CERK: variants seen among roughly 807,000 people sequenced by gnomAD.
The protein encoded by CERK is ceramide kinase, also known as acylsphingosine kinase.
A neutral mutation model predicts 63.4 loss-of-function variants in CERK; 39 were observed. The observed-to-expected ratio is 0.61, with a 90% CI of 0.48 to 0.80. The LOEUF is 0.80. CERK is among the 30% of genes least tolerant of loss of function. The pLI is 0.00. For missense variants in CERK, 670 were observed against 714.1 expected (o/e 0.94, Z 0.70); for synonymous variants, 302 against 280.0 (o/e 1.08, Z -0.78).
chr22:46,717,263 G>A (rs2082871109), intron 3 of CERK, among the ~76,000 whole-genome samples: 1 of 152,154 alleles, frequency 6.6e-6, no homozygotes, highest in South Asian at 2.1e-4. Flanking sequence ...CTACAACCCA[G>A]CGACTCCATT....
At chr22:46,725,273 C>T (rs1053443080) in intron 1 of CERK, among the ~76,000 whole-genome samples, 2 of 149,196 alleles carry the variant, frequency 1.3e-5, no homozygotes, top group East Asian at 1.9e-4. Flanking sequence ...TCTGAGCAAA[C>T]GGAGAGCAGC....
chr22:46,685,939 T>G lies in CERK; in HGVS notation c.*1195A>C, dbSNP rs2082698282. ...AGATCAAAGTTTAAGCCGCATATTCTCATATTTCAAACAAAACTACGTTAC... is the reference window on the plus strand; with the variant it reads ...AGATCAAAGTTTAAGCCGCATATTCGCATATTTCAAACAAAACTACGTTAC... On this transcript the variant is annotated 3_prime_UTR_variant, in exon 13 of 13. Transcript: ENST00000216264. 1 of 152,190 alleles carries G rather than the reference T, an allele frequency of 6.6e-6. No homozygotes were observed. Among genetic ancestry groups the G allele is most frequent in the Non-Finnish European group, 1.5e-5 (1 of 68,040 alleles). 9.4% of individuals were successfully genotyped at this position (152,190 alleles called of 1,614,324 possible). A position where few individuals can be genotyped will look rare whatever the true frequency, so the allele number is the denominator to read the frequency against.
chr22:46,730,959 C>T, intron 1 of CERK, among the ~76,000 whole-genome samples: 1 of 152,224 alleles, frequency 6.6e-6, no homozygotes, highest in East Asian at 1.9e-4. Context: ...CAATAACAAC[C>T]TACCCCAGAA....
chr22:46,738,046 A>C lies in CERK; in HGVS notation c.103T>G (p.Trp35Gly). 1 of 1,215,314 alleles carries C rather than the reference A, an allele frequency of 8.2e-7. No homozygotes were observed. Among genetic ancestry groups the C allele is most frequent in the Non-Finnish European group, 1.0e-6 (1 of 977,332 alleles). 75.3% of individuals were successfully genotyped at this position (1,215,314 alleles called of 1,614,324 possible). The change falls in exon 1 of 13, where the codon TGG (tryptophan) becomes GGG (glycine). Residue 35 changes from tryptophan to glycine, a missense_variant. Physicochemically the swap from Trp to Gly is radical, Grantham distance 184. Coordinates refer to ENST00000216264, the MANE Select transcript of CERK (RefSeq NM_022766.6). The part of the protein sequence containing the change: ...LEPARALLRW[W>G]RSPGPGAGAP... ...CCGGCTCCGGGCCCCGGGCTCCGCC[A>C]CCAGCGCAGCAGAGCCCGCGCGGGC...
Position 46,691,590 on chromosome 22 carries a change from G to A in CERK, c.1314C>T (p.His438=). 1 of 1,613,872 alleles carries A rather than the reference G, an allele frequency of 6.2e-7. No homozygotes were observed. The highest frequency in any genetic ancestry group is 2.2e-5 in the East Asian group (1 of 44,886). Residue 438 remains histidine, a synonymous_variant, in exon 11 of 13, where the codon CAC becomes CAT. Coordinates refer to ENST00000216264, the MANE Select transcript of CERK (RefSeq NM_022766.6). ...RFNFLRFLIR[H]TNQQDQFDFT... Reference sequence around the variant, plus strand: ...CACTTACCTGGTCCTGCTGGTTGGTGTGCCTGATGAGAAATCTCAGAAAAT... The same window carrying A: ...CACTTACCTGGTCCTGCTGGTTGGTATGCCTGATGAGAAATCTCAGAAAAT...
intron 9 of CERK, 51 bp downstream of exon 9, chr22:46,695,159 T>C (rs749983775): frequency 1.0e-6 from 1 of 974,878 alleles, no homozygotes; most frequent in African/African-American, 1.6e-5. Flanking sequence ...CTAACCGTCC[T>C]GCTTCATTTC....
chr22:46,706,273 C>T (rs2082812437), intron 6 of CERK, among the ~76,000 whole-genome samples: 2 of 152,216 alleles, frequency 1.3e-5, no homozygotes, highest in Admixed American at 6.5e-5. Context: ...GCCCAGGGGC[C>T]CTCCCGAGCC....
chr22:46,734,754 A>G (rs1548977), intron 1 of CERK, among the ~76,000 whole-genome samples: 71,891 of 152,162 alleles, frequency 0.47, 19,361 homozygotes, highest in Non-Finnish European at 0.6. Flanking sequence ...ATGCATATTT[A>G]CATATACACA....
intron 5 of CERK, 37 bp from the exon 6 acceptor site, chr22:46,708,025 G>T (rs1427957404): frequency 1.3e-6 from 2 of 1,570,816 alleles, no homozygotes; most frequent in African/African-American, 1.3e-5. Context: ...GCTCCTGCAG[G>T]TGCGGCCCTC....
In CERK at chr22:46,707,242, G is replaced by A. The variant is rs929324059; in HGVS notation, c.715+601C>T. ...CACCTCGTCCCCTGCCAGGTCATTT[G>A]CAAAGCCTGCAACACACCACGCTCA... On this transcript the variant is annotated intron_variant, in intron 6 of 12. Coordinates refer to ENST00000216264, the MANE Select transcript of CERK (RefSeq NM_022766.6). Among the ~76,000 whole-genome samples, 3 of 152,100 alleles carry A rather than the reference G, an allele frequency of 2.0e-5. No individual in the cohort carries two copies. The South Asian group carries it at 6.2e-4, about 32-fold the overall frequency.
rs11912373 is a variant in CERK, at chr22:46,705,640, C to T, written c.715+2203G>A. 1.7e-3 allele frequency among the ~76,000 whole-genome samples: 263 copies of T among 152,248 alleles called. 3 individuals are homozygous for T. The highest frequency in any genetic ancestry group is 5.9e-3 in the African/African-American group (246 of 41,530). On this transcript the variant is annotated intron_variant, in intron 6 of 12. Transcript: ENST00000216264. ...GAGCCAAGATCGCACCACTGCACTC[C>T]AGCCTGGACGACAAAGTGAGACTCT... is the stretch of plus-strand genomic sequence containing the variant.
chr22:46,704,000 A>G (rs935719433), intron 6 of CERK, among the ~76,000 whole-genome samples: 1 of 152,238 alleles, frequency 6.6e-6, no homozygotes, highest in Non-Finnish European at 1.5e-5. Context: ...ACCCATGGAA[A>G]GGGGCCACAA....
At chr22:46,711,291 C>A in intron 4 of CERK, 142 bp from the exon 5 acceptor site, 1 of 666,376 alleles carries the variant, frequency 1.5e-6, no homozygotes, top group South Asian at 1.8e-5. Context: ...TTCAATTCTA[C>A]ATCGCTCTTA....
rs775583228 is a variant in CERK, at chr22:46,691,638, G to A, written c.1266C>T (p.Leu422=). 1.9e-5 allele frequency: 31 copies of A among 1,613,928 alleles called. No individual in the cohort carries two copies. Among genetic ancestry groups the A allele is most frequent in the Admixed American group, 5.0e-5 (3 of 59,990 alleles). Residue 422 remains leucine (L), a synonymous_variant, in exon 11 of 13, where the codon CTC becomes CTT. Transcript: ENST00000216264. ...HLGDGSSDLI[L]IRKCSRFNFL... ...AATTGAACCTGGAGCATTTCCGGATGAGGATGAGGTCAGAAGACCCGTCTC... is the reference window on the plus strand; with the variant it reads ...AATTGAACCTGGAGCATTTCCGGATAAGGATGAGGTCAGAAGACCCGTCTC...
intron 1 of CERK, among the ~76,000 whole-genome samples, chr22:46,732,021 G>T (rs1165855148): frequency 1.3e-5 from 2 of 152,244 alleles, no homozygotes; most frequent in Non-Finnish European, 2.9e-5. Flanking sequence ...ACCGGGGCCA[G>T]CTGGAGGCAG....
chr22:46,719,844 C>T (rs1456435451), intron 3 of CERK, among the ~76,000 whole-genome samples: 1 of 152,224 alleles, frequency 6.6e-6, no homozygotes, highest in African/African-American at 2.4e-5. Flanking sequence ...TGACCCGCCC[C>T]CAGGCCTCCT....
chr22:46,694,802 C>T (rs370785467), intron 9 of CERK, among the ~76,000 whole-genome samples: 13 of 152,216 alleles, frequency 8.5e-5, no homozygotes, highest in African/African-American at 2.2e-4. Context: ...GCTCTACCAA[C>T]GGTCCTGCCA....
At chr22:46,712,132 A>C (rs781093585) in intron 4 of CERK, 36 bp downstream of exon 4, 1 of 1,611,796 alleles carries the variant, frequency 6.2e-7, no homozygotes, top group Non-Finnish European at 8.5e-7. Context: ...ATCATTCTCA[A>C]ACTTACTTCT....
chr22:46,724,750 T>C (rs935085156), intron 1 of CERK, among the ~76,000 whole-genome samples: 5 of 151,912 alleles, frequency 3.3e-5, no homozygotes, highest in Non-Finnish European at 7.4e-5. Flanking sequence ...CAGGGCGGGG[T>C]GGCTCACACC....
Sources: allele counts gnomAD v4.1 joint callset (sites outside exome capture counted in the v4.1 genomes callset), GRCh38; gene constraint gnomAD v4.1.1; transcripts MANE v1.5; gene names NCBI Gene and HGNC (gene_info 2026-07-23, HGNC 2026-07-21).